Variants in CMTM4 observed in about 807,000 individuals in gnomAD.
The protein encoded by CMTM4 is CKLF like MARVEL transmembrane domain containing 4.
In CMTM4, 8 loss-of-function variants were observed where a neutral mutation model predicts 19.0. That is an observed-to-expected ratio of 0.42 (90% CI 0.25 to 0.76). CMTM4 has a LOEUF of 0.76. CMTM4 is among the 30% of genes least tolerant of loss of function. The pLI is 0.27. For missense variants in CMTM4, 228 were observed against 290.2 expected, an observed-to-expected ratio of 0.79 and a Z score of 1.56; for synonymous variants, 106 against 121.1, an observed-to-expected ratio of 0.88 and a Z score of 0.82.
At chr16:66,606,299 G>C in the CMTM4 span, among the ~76,000 whole-genome samples, 1 of 152,156 alleles carries the variant, frequency 6.6e-6, no homozygotes, top group Non-Finnish European at 1.5e-5. Context: ...GAAAAAACAG[G>C]AATTGAGAGG....
At chr16:66,639,028 T>C (rs1306204487) in intron 1 of CMTM4, among the ~76,000 whole-genome samples, 1 of 151,874 alleles carries the variant, frequency 6.6e-6, no homozygotes, top group Non-Finnish European at 1.5e-5. Context: ...ACACAGTAAA[T>C]ATAGAGATTT....
At chr16:66,599,191 G>A in the CMTM4 span, among the ~76,000 whole-genome samples, 1 of 152,044 alleles carries the variant, frequency 6.6e-6, no homozygotes, top group African/African-American at 2.4e-5. Flanking sequence ...TTGGGAGGCT[G>A]AGGCATGAGA....
chr16:66,690,774 T>G (rs1475032397), intron 1 of CMTM4, among the ~76,000 whole-genome samples: 1 of 152,174 alleles, frequency 6.6e-6, no homozygotes, highest in Non-Finnish European at 1.5e-5. Context: ...TTCGATGAGA[T>G]TAAGAGACAT....
At chr16:66,654,019 G>A (rs1457153727) in intron 1 of CMTM4, among the ~76,000 whole-genome samples, 2 of 152,094 alleles carry the variant, frequency 1.3e-5, no homozygotes, top group Admixed American at 6.5e-5. Context: ...GGGATTAAAG[G>A]TGTGAGCCAC....
At chr16:66,673,940 A>C (rs7191030) in intron 1 of CMTM4, among the ~76,000 whole-genome samples, 6,575 of 152,322 alleles carry the variant, frequency 0.043, 269 homozygotes, top group East Asian at 0.15. Flanking sequence ...GGCCATGGCC[A>C]CTGCATTCCA....
chr16:66,679,289 C>A (rs2016864407), intron 1 of CMTM4, among the ~76,000 whole-genome samples: 1 of 151,944 alleles, frequency 6.6e-6, no homozygotes, highest in African/African-American at 2.4e-5. Context: ...ACTTCTTTAC[C>A]CCGCTCCATG....
chr16:66,684,045 G>A (rs1016163768), intron 1 of CMTM4, among the ~76,000 whole-genome samples: 10 of 152,126 alleles, frequency 6.6e-5, no homozygotes, highest in African/African-American at 2.4e-4. Context: ...GAAGTAATCG[G>A]TATTATAAAA....
At chr16:66,685,311 A>G (rs563500259) in intron 1 of CMTM4, among the ~76,000 whole-genome samples, 2 of 152,246 alleles carry the variant, frequency 1.3e-5, no homozygotes, top group South Asian at 4.1e-4. Flanking sequence ...TTCCAGAAAC[A>G]AGGATGCGAG....
chr16:66,656,613 T>C (rs2016401464), intron 1 of CMTM4, among the ~76,000 whole-genome samples: 1 of 150,878 alleles, frequency 6.6e-6, no homozygotes, highest in South Asian at 2.1e-4. Context: ...TGTCTGAAAG[T>C]ATCTTCCCAC....
chr16:66,649,727 C>T (rs185568191), intron 1 of CMTM4, among the ~76,000 whole-genome samples: 1 of 152,250 alleles, frequency 6.6e-6, no homozygotes, highest in East Asian at 1.9e-4. Context: ...AGGTCCAGAG[C>T]CCGACTCCCT....
chr16:66,598,938 C>T, the CMTM4 span, among the ~76,000 whole-genome samples: 1 of 152,050 alleles, frequency 6.6e-6, no homozygotes, highest in South Asian at 2.1e-4. Flanking sequence ...AGTTCAAGAC[C>T]AGCCAGGGCA....
At chr16:66,602,126 G>A in the CMTM4 span, among the ~76,000 whole-genome samples, 1 of 152,252 alleles carries the variant, frequency 6.6e-6, no homozygotes, top group Non-Finnish European at 1.5e-5. Flanking sequence ...GCCAGGTGCG[G>A]TGGCTCACGC....
At chr16:66,627,180 T>C (rs1382068314) in intron 2 of CMTM4, among the ~76,000 whole-genome samples, 1 of 151,910 alleles carries the variant, frequency 6.6e-6, no homozygotes, top group East Asian at 1.9e-4. Context: ...AATAGGGGAG[T>C]TGTTCAATAA....
rs770875603 is a variant in CMTM4 at position 66,620,342 on chromosome 16, C to A, written c.*1716G>T. ...CCTCTCTGTGGGAGCAGAGGGGAGA[C>A]GAGTTGTTAACAGGCTAGCAGGGTC... On this transcript the variant is annotated 3_prime_UTR_variant, in exon 4 of 4. Coordinates refer to ENST00000394106, the MANE Select transcript of CMTM4 (RefSeq NM_181521.3). The A allele has an allele frequency of 4.9e-5, 48 of 985,318 alleles. No homozygotes were observed. The highest frequency in any genetic ancestry group is 5.7e-5 in the Non-Finnish European group (47 of 829,956). 61.0% of individuals were successfully genotyped at this position (985,318 alleles called of 1,614,324 possible). A position where few individuals can be genotyped will look rare whatever the true frequency, so the allele number is the denominator to read the frequency against.
intron 1 of CMTM4, among the ~76,000 whole-genome samples, chr16:66,651,626 T>C (rs2016312740): frequency 6.6e-6 from 1 of 152,116 alleles, no homozygotes; most frequent in African/African-American, 2.4e-5. Flanking sequence ...CCTTTCACCA[T>C]GGGAAAAATC....
downstream of CMTM4, chr16:66,612,930 CAAG>C (rs1415391644): frequency 4.7e-6 from 3 of 634,760 alleles, no homozygotes; most frequent in African/African-American, 5.5e-5. The surrounding 1 kb of genome is among the most constrained non-coding windows in gnomAD (Gnocchi z 6.0). Context: ...AAAACCAGCA[CAAG>C]GAGACAAAGC....
intron 2 of CMTM4, among the ~76,000 whole-genome samples, chr16:66,635,587 G>A (rs893841885): frequency 6.6e-6 from 1 of 152,142 alleles, no homozygotes; most frequent in African/African-American, 2.4e-5. Flanking sequence ...AAGGGTAGCT[G>A]GTCTGAGGCG....
the CMTM4 span, among the ~76,000 whole-genome samples, chr16:66,600,453 C>T: frequency 3.3e-5 from 5 of 152,062 alleles, no homozygotes; most frequent in Admixed American, 6.6e-5. Context: ...CCCAGGGCCA[C>T]GTTTTTAATA....
intron 1 of CMTM4, among the ~76,000 whole-genome samples, chr16:66,656,274 A>C (rs2016396238): frequency 6.6e-6 from 1 of 152,224 alleles, no homozygotes; most frequent in Non-Finnish European, 1.5e-5. Context: ...GATTTAAAAA[A>C]CTGCCATTTG....
Sources: allele counts gnomAD v4.1 joint callset (sites outside exome capture counted in the v4.1 genomes callset), GRCh38; gene constraint gnomAD v4.1.1; non-coding constraint Gnocchi (gnomAD v3.1); transcripts MANE v1.5; gene names NCBI Gene and HGNC (gene_info 2026-07-23, HGNC 2026-07-21).